Variants in PPP3CA observed in about 807,000 individuals in gnomAD.
PPP3CA encodes protein phosphatase 3 catalytic subunit alpha.
Under a neutral mutation model 66.5 loss-of-function variants are expected in PPP3CA, and 14 were observed. The observed-to-expected ratio is 0.21, with a 90% CI of 0.14 to 0.33. The LOEUF is 0.33. Ranked by LOEUF, PPP3CA falls within the 10% of genes least tolerant of loss-of-function variation. The pLI, the probability that PPP3CA is intolerant of heterozygous loss-of-function variation, is 1.00. For synonymous variants in PPP3CA, 232 were observed against 226.2 expected (o/e 1.03, Z -0.23); for missense variants, 317 against 639.5 (o/e 0.50, Z 5.44).
rs924575002 is a variant in PPP3CA at position 101,023,992 on chromosome 4, G to C, written c.*1873C>G. On this transcript the variant is annotated 3_prime_UTR_variant, in exon 14 of 14. Coordinates refer to ENST00000394854, the MANE Select transcript of PPP3CA (RefSeq NM_000944.5). Reference sequence around the variant, plus strand: ...CTAGTACTTTTTGCTTTAGCAGATAGATAGGGCATCCAATACAACTGAAAC... The same window carrying C: ...CTAGTACTTTTTGCTTTAGCAGATACATAGGGCATCCAATACAACTGAAAC... The C allele has an allele frequency of 2.0e-5, 3 of 152,450 alleles. No individual in the cohort carries two copies. Among genetic ancestry groups the C allele is most frequent in the Non-Finnish European group, 4.4e-5 (3 of 68,024 alleles). 9.4% of individuals were successfully genotyped at this position (152,450 alleles called of 1,614,324 possible).
chr4:101,328,438 G>C (rs1234064659), intron 1 of PPP3CA, among the ~76,000 whole-genome samples: 1 of 152,134 alleles, frequency 6.6e-6, no homozygotes, highest in Non-Finnish European at 1.5e-5. Context: ...ATTCACATTT[G>C]CATCTAAAAT....
chr4:101,309,680 C>T (rs145526519), intron 1 of PPP3CA, among the ~76,000 whole-genome samples: 232 of 152,180 alleles, frequency 1.5e-3, no homozygotes, highest in African/African-American at 5.3e-3. Context: ...TCCAATTATA[C>T]GTTTTTTTAA....
At chr4:101,121,112 A>ACAAAT (rs1272752857) in intron 2 of PPP3CA, among the ~76,000 whole-genome samples, 10 of 152,266 alleles carry the variant, frequency 6.6e-5, no homozygotes, top group Middle Eastern at 3.4e-3. Context: ...TTTCAAATTT[A>ACAAAT]GTTAAATTTT....
intron 1 of PPP3CA, among the ~76,000 whole-genome samples, chr4:101,257,310 C>G (rs1190043154): frequency 1.3e-5 from 2 of 148,750 alleles, no homozygotes; most frequent in African/African-American, 5.0e-5. Flanking sequence ...AGATAGAGGT[C>G]TCCATCTACA....
chr4:101,273,264 C>T (rs572940270), intron 1 of PPP3CA, among the ~76,000 whole-genome samples: 1 of 151,750 alleles, frequency 6.6e-6, no homozygotes, highest in South Asian at 2.1e-4. Context: ...TTCAGAGATT[C>T]TATTTTTAAT....
chr4:101,280,536 C>T (rs114048650), intron 1 of PPP3CA, among the ~76,000 whole-genome samples: 1,934 of 152,062 alleles, frequency 0.013, 33 homozygotes, highest in African/African-American at 0.043. Flanking sequence ...AAACTGGAAA[C>T]GGACCAGGTG....
chr4:101,156,962 A>C (rs572286046), intron 2 of PPP3CA, among the ~76,000 whole-genome samples: 5 of 152,244 alleles, frequency 3.3e-5, no homozygotes, highest in Non-Finnish European at 7.3e-5. Flanking sequence ...AACTACAGAC[A>C]AAATAGGCAG....
chr4:101,226,501 T>C (rs1421532873), intron 1 of PPP3CA, among the ~76,000 whole-genome samples: 1 of 151,744 alleles, frequency 6.6e-6, no homozygotes, highest in Non-Finnish European at 1.5e-5. Context: ...AAGGAGTCTC[T>C]ATAAAGATCC....
At chr4:101,153,641 G>GA (rs1358748942) in intron 2 of PPP3CA, among the ~76,000 whole-genome samples, 1 of 152,180 alleles carries the variant, frequency 6.6e-6, no homozygotes, top group Non-Finnish European at 1.5e-5. Flanking sequence ...CTTCCAATTA[G>GA]AAAACCAAAC....
chr4:101,175,847 C>T (rs1043680200), intron 2 of PPP3CA, among the ~76,000 whole-genome samples: 1 of 152,144 alleles, frequency 6.6e-6, no homozygotes, highest in Non-Finnish European at 1.5e-5. Context: ...GATTCTACCA[C>T]ACAGAGGAGT....
At chr4:101,147,025 T>C (rs779106222) in intron 2 of PPP3CA, among the ~76,000 whole-genome samples, 1 of 152,218 alleles carries the variant, frequency 6.6e-6, no homozygotes, top group East Asian at 1.9e-4. Flanking sequence ...AGATAGGTAC[T>C]GTTTTTATCC....
chr4:101,033,676 A>T (rs3017730), intron 11 of PPP3CA, among the ~76,000 whole-genome samples: 56,135 of 152,058 alleles, frequency 0.37, 11,792 homozygotes, highest in Non-Finnish European at 0.48. Flanking sequence ...GTTAGGATTC[A>T]ATCAATGGTC....
At chr4:101,157,765 A>C (rs1723370965) in intron 2 of PPP3CA, among the ~76,000 whole-genome samples, 1 of 150,090 alleles carries the variant, frequency 6.7e-6, no homozygotes, top group Non-Finnish European at 1.5e-5. Context: ...TGCAAGACTG[A>C]GGTACTCTAA....
chr4:101,289,011 G>C (rs1333301863), intron 1 of PPP3CA, among the ~76,000 whole-genome samples: 1 of 151,646 alleles, frequency 6.6e-6, no homozygotes, highest in East Asian at 1.9e-4. Context: ...AACTGCGTAG[G>C]AGGAAAAAAA....
At chr4:101,135,563 A>C (rs1159186616) in intron 2 of PPP3CA, among the ~76,000 whole-genome samples, 1 of 152,206 alleles carries the variant, frequency 6.6e-6, no homozygotes, top group Non-Finnish European at 1.5e-5. Context: ...TTCATGCATG[A>C]GGCACCAAGC....
chr4:101,273,691 T>C (rs1727403401), intron 1 of PPP3CA, among the ~76,000 whole-genome samples: 1 of 152,182 alleles, frequency 6.6e-6, no homozygotes, highest in South Asian at 2.1e-4. Flanking sequence ...ATGAGTAGTT[T>C]TATCTCTCCA....
chr4:101,162,877 AC>A (rs1325000977), intron 2 of PPP3CA, among the ~76,000 whole-genome samples: 1 of 152,176 alleles, frequency 6.6e-6, no homozygotes, highest in African/African-American at 2.4e-5. Flanking sequence ...AGCATTTATT[AC>A]CACACTCTTC....
At chr4:101,115,068 G>A (rs535392801) in intron 2 of PPP3CA, among the ~76,000 whole-genome samples, 46 of 152,128 alleles carry the variant, frequency 3.0e-4, no homozygotes, top group Non-Finnish European at 5.7e-4. Flanking sequence ...TTAAACAGAA[G>A]TTCAGGACTT....
At chr4:101,146,195 T>A (rs975322432) in intron 2 of PPP3CA, among the ~76,000 whole-genome samples, 1 of 152,198 alleles carries the variant, frequency 6.6e-6, no homozygotes, top group Non-Finnish European at 1.5e-5. Context: ...AAATCCATAT[T>A]CTCTGCTTTA....
Sources: gnomAD v4.1 joint callset for allele counts (sites outside exome capture counted in the v4.1 genomes callset) on GRCh38, gnomAD v4.1.1 for gene constraint, MANE v1.5 for transcripts, NCBI Gene and HGNC (gene_info 2026-07-23, HGNC 2026-07-21) for gene names.